Variants in C10orf105 observed in about 807,000 individuals in gnomAD.
The protein encoded by C10orf105 is uncharacterized protein C10orf105.
A neutral mutation model predicts 0.6 loss-of-function variants in C10orf105; 2 were observed. That is an observed-to-expected ratio of 3.18 (90% CI 1.30 to 10.01). C10orf105 has a LOEUF of 10.01. Ranked by LOEUF, C10orf105 falls within the 30% of genes most tolerant of loss-of-function variation. The probability of loss-of-function intolerance (pLI) is 0.04; values close to 1 mark genes in which losing one functional copy is unlikely to be tolerated. For synonymous variants in C10orf105, 95 were observed against 82.4 expected, an observed-to-expected ratio of 1.15 and a Z score of -0.83; for missense variants, 209 against 191.4, an observed-to-expected ratio of 1.09 and a Z score of -0.54.
chr10:71,732,525 G>C, intron 1 of C10orf105: 1 of 1,331,946 alleles, frequency 7.5e-7, no homozygotes, highest in African/African-American at 1.5e-5. Flanking sequence ...CCAGCTGCTT[G>C]AGAGGCTGGG....
At chr10:71,720,420 A>AACACACACACACACACACACACACAC (rs57346519), upstream of C10orf105, among the ~76,000 whole-genome samples, 10 of 145,746 alleles carry the variant, frequency 6.9e-5, no homozygotes, top group African/African-American at 2.6e-4. Flanking sequence ...CTCTTTCCAA[A>AACACACACACACACACACACACACAC]ACACACACAC....
At position 71,715,930 on chromosome 10, in the gene C10orf105, A is replaced by AC; in HGVS notation, c.*5dup. Reference sequence around the variant, plus strand: ...GGGATGTGGGGGCATGTTTGTGGACACCCCATTACATCTTGGTAGATTCCA... The same window carrying AC: ...GGGATGTGGGGGCATGTTTGTGGACACCCCCATTACATCTTGGTAGATTCCA... On this transcript the variant is annotated 3_prime_UTR_variant, in exon 2 of 2. Transcript: ENST00000441508. The AC allele has an allele frequency of 2.8e-6, 4 of 1,449,600 alleles. No homozygotes were observed. The highest frequency in any genetic ancestry group is 3.6e-6 in the Non-Finnish European group (4 of 1,098,160). 89.8% of individuals were successfully genotyped at this position (1,449,600 alleles called of 1,614,324 possible).
In C10orf105 at chr10:71,715,257, T is replaced by C. The variant is rs940945455; in HGVS notation, c.*679A>G. 18 of 152,352 alleles carry C rather than the reference T, an allele frequency of 1.2e-4. No individual in the cohort carries two copies. The highest frequency in any genetic ancestry group is 3.8e-4 in the African/African-American group (16 of 41,572). The allele number at this position is 152,352 out of a possible 1,614,324, so 9.4% of individuals were successfully genotyped here. ...TCGATCATCTTCAATCCCTTCCTGATTGATCCCAACGTGGGTGCCCTGAAG... is the reference window on the plus strand; with the variant it reads ...TCGATCATCTTCAATCCCTTCCTGACTGATCCCAACGTGGGTGCCCTGAAG... On this transcript the variant is annotated 3_prime_UTR_variant, in exon 2 of 2. Transcript: ENST00000441508.
chr10:71,719,507 A>G (rs1866449386), intron 1 of C10orf105, 120 bp downstream of exon 1: 1 of 152,322 alleles, frequency 6.6e-6, no homozygotes, highest in African/African-American at 2.4e-5. Flanking sequence ...TCCCCTCTCT[A>G]CAGAACCAGA....
chr10:71,718,159 C>T (rs1370804502), intron 1 of C10orf105, among the ~76,000 whole-genome samples: 3 of 152,310 alleles, frequency 2.0e-5, no homozygotes, highest in East Asian at 1.9e-4. Flanking sequence ...GTTTCTAGCA[C>T]GGAAGCTCAG....
Position 71,716,102 on chromosome 10 carries a change from G to C in C10orf105, c.236C>G (p.Pro79Arg). The part of the protein sequence containing the change: ...RRAHECMPHH[P>R]GSPSEPQLRL... ...GAGCTGGGGCTCACTGGGGCTCCCA[G>C]GGTGGTGGGGCATGCACTCGTGAGC... Residue 79 changes from proline to arginine, a missense_variant, in exon 2 of 2, where the codon CCT becomes CGT. Coordinates refer to ENST00000441508, the MANE Select transcript of C10orf105 (RefSeq NM_001164375.3). 6.5e-7 allele frequency: 1 copy of C among 1,539,750 alleles called. No homozygotes were observed. The highest frequency in any genetic ancestry group is 1.2e-5 in the South Asian group (1 of 83,074).
Position 71,712,921 on chromosome 10 carries a change from GC to G in C10orf105, c.*3014del. On this transcript the variant is annotated 3_prime_UTR_variant, in exon 2 of 2. Coordinates refer to ENST00000441508, the MANE Select transcript of C10orf105 (RefSeq NM_001164375.3). ...GCACCAGAGGCGGAAGCAGGTGGGG[GC>G]CCAGGGTGGGTCCGCTGCTCTGGAA... The G allele has an allele frequency of 1.5e-6, 2 of 1,333,626 alleles. No individual in the cohort carries two copies. Among genetic ancestry groups the G allele is most frequent in the Non-Finnish European group, 2.1e-6 (2 of 951,608 alleles). 82.6% of individuals were successfully genotyped at this position (1,333,626 alleles called of 1,614,324 possible). A position where few individuals can be genotyped will look rare whatever the true frequency, so the allele number is the denominator to read the frequency against.
chr10:71,734,609 C>A (rs373686996), intron 1 of C10orf105: 2 of 1,575,808 alleles, frequency 1.3e-6, no homozygotes, highest in Non-Finnish European at 1.7e-6. Context: ...CCATTTGCAT[C>A]TTTGCCTTTT....
chr10:71,724,059 C>G (rs775197615), upstream of C10orf105: 3 of 1,560,476 alleles, frequency 1.9e-6, no homozygotes, highest in Admixed American at 3.8e-5. Flanking sequence ...AAGCCACGGA[C>G]GCAGATGAGG....
rs907689721 is a variant in C10orf105 at position 71,713,980 on chromosome 10, C to T, written c.*1956G>A. On this transcript the variant is annotated 3_prime_UTR_variant, in exon 2 of 2. Coordinates refer to ENST00000441508, the MANE Select transcript of C10orf105 (RefSeq NM_001164375.3). ...AGGAGGCCTGCCCCACTTTCTAAAC[C>T]CAAAGACTTGGTTTCTATTTACACA... 1.3e-5 allele frequency: 2 copies of T among 152,308 alleles called. No individual in the cohort carries two copies. The highest frequency in any genetic ancestry group is 2.9e-5 in the Non-Finnish European group (2 of 68,188). The allele number at this position is 152,308 out of a possible 1,614,324, so 9.4% of individuals were successfully genotyped here.
chr10:71,732,103 A>G (rs1839409953), intron 1 of C10orf105: 1 of 1,613,906 alleles, frequency 6.2e-7, no homozygotes, highest in Non-Finnish European at 8.5e-7. Context: ...GACCAAGACC[A>G]GCTACATGAT....
chr10:71,733,838 G>A (rs566998529), intron 1 of C10orf105, among the ~76,000 whole-genome samples: 3 of 152,324 alleles, frequency 2.0e-5, no homozygotes, highest in Non-Finnish European at 2.9e-5. Context: ...TCACTACAAC[G>A]TGACAGGCCT....
chr10:71,723,800 G>A (rs1394172351), upstream of C10orf105, among the ~76,000 whole-genome samples: 4 of 152,142 alleles, frequency 2.6e-5, no homozygotes, highest in Admixed American at 6.5e-5. Flanking sequence ...TGCGAACCTG[G>A]AGGAGGATCG....
In C10orf105 at chr10:71,730,890, T is replaced by C. The variant is rs546105991; in HGVS notation, c.-6+6838A>G. Among the ~76,000 whole-genome samples, 20 of 152,324 alleles carry C rather than the reference T, an allele frequency of 1.3e-4. 1 individual carries two copies. The South Asian group carries it at 3.7e-3, about 28-fold the overall frequency. On this transcript the variant is annotated intron_variant, in intron 1 of 1. Coordinates refer to the C10orf105 transcript ENST00000398786. Reference sequence around the variant, plus strand: ...CATCCCAGGACCCAGCAGCTCCCACTAGCCTTTAGAGAGGGGCTGGGCAGA... The same window carrying C: ...CATCCCAGGACCCAGCAGCTCCCACCAGCCTTTAGAGAGGGGCTGGGCAGA...
At chr10:71,735,337 G>C (rs750356088) in intron 1 of C10orf105, among the ~76,000 whole-genome samples, 2 of 152,192 alleles carry the variant, frequency 1.3e-5, no homozygotes, top group African/African-American at 2.4e-5. Context: ...GCCCCTGGGG[G>C]AGGGGGGCCC....
intron 1 of C10orf105, among the ~76,000 whole-genome samples, chr10:71,718,724 G>A (rs1392765893): frequency 6.6e-6 from 1 of 152,192 alleles, no homozygotes; most frequent in African/African-American, 2.4e-5. Flanking sequence ...ACCCTACTGG[G>A]CTAGCAAATA....
At chr10:71,730,447 A>G in intron 1 of C10orf105, 1 of 1,611,668 alleles carries the variant, frequency 6.2e-7, no homozygotes, top group Non-Finnish European at 8.5e-7. Context: ...CTGACCTTGC[A>G]CCCCTGGCCC....
chr10:71,734,281 C>A, intron 1 of C10orf105: 1 of 1,612,480 alleles, frequency 6.2e-7, no homozygotes, highest in African/African-American at 1.3e-5. Context: ...GTGAGAAGGG[C>A]GACTTCTATA....
At position 71,712,975 on chromosome 10, in the gene C10orf105, C is replaced by A; in HGVS notation, c.*2961G>T. 1 of 860,912 alleles carries A rather than the reference C, an allele frequency of 1.2e-6. No individual in the cohort carries two copies. The highest frequency in any genetic ancestry group is 1.9e-6 in the Non-Finnish European group (1 of 525,570). 53.3% of individuals were successfully genotyped at this position (860,912 alleles called of 1,614,324 possible). A position where few individuals can be genotyped will look rare whatever the true frequency, so the allele number is the denominator to read the frequency against. Reference sequence around the variant, plus strand: ...TGCTGTGGGGAAAGGGGGACCCAGGCCCTCTCCCATCCCAGGGAGTGTGGG... The same window carrying A: ...TGCTGTGGGGAAAGGGGGACCCAGGACCTCTCCCATCCCAGGGAGTGTGGG... On this transcript the variant is annotated 3_prime_UTR_variant, in exon 2 of 2. Coordinates refer to ENST00000441508, the MANE Select transcript of C10orf105 (RefSeq NM_001164375.3).
Sources: gnomAD v4.1 joint callset for allele counts (sites outside exome capture counted in the v4.1 genomes callset) on GRCh38, gnomAD v4.1.1 for gene constraint, MANE v1.5 for transcripts, NCBI Gene and HGNC (gene_info 2026-07-23, HGNC 2026-07-21) for gene names.